Variants in HDAC9 observed in about 807,000 individuals in gnomAD.
The protein encoded by HDAC9 is MEF-2 interacting transcription repressor (MITR) protein.
In HDAC9, 41 loss-of-function variants were observed where a neutral mutation model predicts 139.4. The observed-to-expected ratio is 0.29, with a 90% confidence interval of 0.23 to 0.38. The LOEUF (loss-of-function observed/expected upper bound fraction) is 0.38, where lower values mean the gene tolerates loss of function less well. Among genes scored for constraint, HDAC9 ranks in the 10% least tolerant of loss-of-function variants. HDAC9 has a pLI of 1.00. For missense variants in HDAC9, 1,147 were observed against 1,297.0 expected, an observed-to-expected ratio of 0.88 and a Z score of 1.78; for synonymous variants, 517 against 476.2, an observed-to-expected ratio of 1.09 and a Z score of -1.12.
chr7:18,481,592 C>T (rs903596940), intron 1 of HDAC9, among the ~76,000 whole-genome samples: 2 of 152,130 alleles, frequency 1.3e-5, no homozygotes, highest in African/African-American at 4.8e-5. Context: ...TGTGTCACCC[C>T]AGTATCCATT....
intron 1 of HDAC9, among the ~76,000 whole-genome samples, chr7:18,153,658 G>A (rs576844414): frequency 6.6e-6 from 1 of 152,084 alleles, no homozygotes; most frequent in Non-Finnish European, 1.5e-5. Flanking sequence ...TTTTCCTTTT[G>A]ATTTAGTTCT....
intron 11 of HDAC9, among the ~76,000 whole-genome samples, chr7:18,661,665 A>G (rs568731509): frequency 6.6e-6 from 1 of 152,210 alleles, no homozygotes; most frequent in African/African-American, 2.4e-5. Flanking sequence ...TTTTATATCT[A>G]TATGTTTTCT....
chr7:18,679,581 T>C (rs1231482650), intron 12 of HDAC9, among the ~76,000 whole-genome samples: 1 of 151,344 alleles, frequency 6.6e-6, no homozygotes, highest in African/African-American at 2.4e-5. Flanking sequence ...CCTCTTTCTC[T>C]TTCTTCTCTC....
intron 22 of HDAC9, among the ~76,000 whole-genome samples, chr7:18,902,276 C>G (rs189905900): frequency 6.6e-6 from 1 of 152,136 alleles, no homozygotes; most frequent in East Asian, 1.9e-4. Flanking sequence ...GAAGGTTCTT[C>G]TCACTCCTGG....
At chr7:18,860,618 C>G (rs1220956132) in intron 21 of HDAC9, among the ~76,000 whole-genome samples, 1 of 151,782 alleles carries the variant, frequency 6.6e-6, no homozygotes, top group Non-Finnish European at 1.5e-5. Flanking sequence ...TTTTCCTGTC[C>G]TTTAAGAATA....
At chr7:18,125,812 A>C (rs1262179182) in intron 1 of HDAC9, among the ~76,000 whole-genome samples, 2 of 151,912 alleles carry the variant, frequency 1.3e-5, no homozygotes, top group Admixed American at 1.3e-4. Flanking sequence ...TGTTTCCTTC[A>C]GTTTCATATA....
intron 1 of HDAC9, among the ~76,000 whole-genome samples, chr7:18,102,750 G>A (rs1457922992): frequency 6.6e-6 from 1 of 152,156 alleles, no homozygotes; most frequent in Non-Finnish European, 1.5e-5. Context: ...TTTAAACCAT[G>A]TGACAAAGTT....
At chr7:18,798,118 T>C (rs1045339267) in intron 17 of HDAC9, among the ~76,000 whole-genome samples, 1 of 152,158 alleles carries the variant, frequency 6.6e-6, no homozygotes, top group Non-Finnish European at 1.5e-5. Flanking sequence ...TGAACACCCT[T>C]GAACATGGCT....
chr7:18,242,371 A>T (rs1794243620), intron 2 of HDAC9, among the ~76,000 whole-genome samples: 1 of 152,206 alleles, frequency 6.6e-6, no homozygotes, highest in South Asian at 2.1e-4. Flanking sequence ...AGGTTACTGG[A>T]AGAAACAGAA....
intron 13 of HDAC9, among the ~76,000 whole-genome samples, chr7:18,747,802 G>C (rs1165256031): frequency 2.0e-5 from 3 of 152,116 alleles, no homozygotes; most frequent in African/African-American, 7.2e-5. Flanking sequence ...CAAAATGCAG[G>C]TGCCATTCTT....
intron 1 of HDAC9, among the ~76,000 whole-genome samples, chr7:18,304,500 G>A (rs1798783411): frequency 1.3e-5 from 2 of 152,126 alleles, no homozygotes; most frequent in Non-Finnish European, 2.9e-5. Context: ...TATAGGTAAA[G>A]TAATGTGGGT....
chr7:18,574,932 A>T (rs1382423297), intron 2 of HDAC9, among the ~76,000 whole-genome samples: 1 of 152,044 alleles, frequency 6.6e-6, no homozygotes, highest in Non-Finnish European at 1.5e-5. Flanking sequence ...CTGCAGCTGC[A>T]CCCCGGAGGG....
chr7:18,360,292 T>C (rs1783674422), intron 1 of HDAC9, among the ~76,000 whole-genome samples: 1 of 152,240 alleles, frequency 6.6e-6, no homozygotes, highest in African/African-American at 2.4e-5. Context: ...CTAGTTTACA[T>C]AAGTGAAATG....
chr7:18,729,982 T>A (rs1246209555), intron 13 of HDAC9, among the ~76,000 whole-genome samples: 1 of 152,192 alleles, frequency 6.6e-6, no homozygotes, highest in African/African-American at 2.4e-5. Flanking sequence ...CGCTAAAGGA[T>A]AGCTAAGTTA....
At chr7:18,188,126 G>A (rs980517891) in intron 2 of HDAC9, among the ~76,000 whole-genome samples, 1 of 152,148 alleles carries the variant, frequency 6.6e-6, no homozygotes, top group South Asian at 2.1e-4. Context: ...AACCAAAACA[G>A]CATGGTACTG....
At position 18,189,205 on chromosome 7, in the gene HDAC9, A is replaced by G. The variant is rs959269646; in HGVS notation, c.25+26856A>G. 3.3e-5 allele frequency among the ~76,000 whole-genome samples: 5 copies of G among 152,292 alleles called. No individual in the cohort carries two copies. The East Asian group carries it at 9.7e-4, about 29-fold the overall frequency. On this transcript the variant is annotated intron_variant, in intron 2 of 12. Transcript: ENST00000417496. ...CATGTCCTTTGCAGGGACACGGATG[A>G]AGCTGGAAGCCATCATCCTCAGCAA... is the stretch of plus-strand genomic sequence containing the variant.
chr7:18,395,104 T>C (rs1175553404), intron 1 of HDAC9: 1 of 152,160 alleles, frequency 6.6e-6, no homozygotes, highest in Non-Finnish European at 1.5e-5. Context: ...TTTGACTTTC[T>C]ACCAAAATAG....
At chr7:18,144,133 A>T (rs1242621623) in intron 1 of HDAC9, among the ~76,000 whole-genome samples, 2 of 152,218 alleles carry the variant, frequency 1.3e-5, no homozygotes, top group Non-Finnish European at 1.5e-5. Context: ...TCTGGAAATA[A>T]AAACATTTTC....
At chr7:18,725,875 T>C (rs1036802600) in intron 12 of HDAC9, among the ~76,000 whole-genome samples, 6 of 152,160 alleles carry the variant, frequency 3.9e-5, no homozygotes, top group Admixed American at 3.9e-4. Flanking sequence ...TAAAAGTGTA[T>C]AAACCATTGT....
Sources: allele counts gnomAD v4.1 joint callset (sites outside exome capture counted in the v4.1 genomes callset), GRCh38; gene constraint gnomAD v4.1.1; transcripts MANE v1.5; gene names NCBI Gene and HGNC (gene_info 2026-07-23, HGNC 2026-07-21).